SLC4A8: variants seen among roughly 807,000 people sequenced by gnomAD.
SLC4A8 encodes the protein electroneutral sodium bicarbonate exchanger 1.
In SLC4A8, 40 loss-of-function variants were observed where a neutral mutation model predicts 125.0. The ratio of observed to expected loss-of-function variants is 0.32; its 90% CI spans 0.25 to 0.42. SLC4A8 has a LOEUF of 0.42. Among genes scored for constraint, SLC4A8 ranks in the 10% least tolerant of loss-of-function variants. SLC4A8 has a pLI of 1.00. For synonymous variants in SLC4A8, 456 were observed against 476.0 expected, an observed-to-expected ratio of 0.96 and a Z score of 0.55; for missense variants, 863 against 1,355.1, an observed-to-expected ratio of 0.64 and a Z score of 5.70.
chr12:51,425,064 T>C (rs1948919033), intron 1 of SLC4A8, 29 bp downstream of exon 1: 2 of 1,543,750 alleles, frequency 1.3e-6, no homozygotes, highest in African/African-American at 1.4e-5. Flanking sequence ...CGCCTCCCGC[T>C]CCTCCCCGGG....
At chr12:51,427,640 G>A (rs578028583) in intron 1 of SLC4A8, among the ~76,000 whole-genome samples, 1 of 152,288 alleles carries the variant, frequency 6.6e-6, no homozygotes, top group East Asian at 1.9e-4. Context: ...GACTGGCAAT[G>A]ACCAATTAAA....
At position 51,494,930 on chromosome 12, in the gene SLC4A8, G is replaced by A; in HGVS notation, c.2770-15G>A. The stretch of plus-strand genomic sequence containing the variant: ...AATGCCCTCCTGAAAATAAATGCCA[G>A]TTCCTTCCTTTCAGTTCTTTGATCG... On this transcript the variant is annotated splice_polypyrimidine_tract_variant and intron_variant, in intron 20 of 24. Transcript: ENST00000453097. 1 of 1,610,826 alleles carries A rather than the reference G, an allele frequency of 6.2e-7. No individual in the cohort carries two copies. Among genetic ancestry groups the A allele is most frequent in the Non-Finnish European group, 8.5e-7 (1 of 1,177,446 alleles).
intron 16 of SLC4A8, 70 bp downstream of exon 16, chr12:51,475,276 T>C: frequency 6.8e-7 from 1 of 1,480,788 alleles, no homozygotes; most frequent in Non-Finnish European, 9.3e-7. Context: ...TCAGCCTTCA[T>C]GCTGCTTATG....
chr12:51,474,027 A>AAAACAAAAAC lies in SLC4A8; in HGVS notation c.1905-312_1905-311insCAAAAACAAA, dbSNP rs10635704. Among the ~76,000 whole-genome samples, 4 of 152,032 alleles carry AAAACAAAAAC rather than the reference A, an allele frequency of 2.6e-5. No homozygotes were observed. The East Asian group carries it at 5.8e-4, about 22-fold the overall frequency. ...AAGAGATAGAAATCGGGCAAAAACA[A>AAAACAAAAAC]AAAAACAAAACAAAAACAAAAACAA... On this transcript the variant is annotated intron_variant, in intron 14 of 24. Coordinates refer to ENST00000453097, the MANE Select transcript of SLC4A8 (RefSeq NM_001039960.3).
At chr12:51,416,550 C>T (rs1218776172) in intron 1 of SLC4A8, among the ~76,000 whole-genome samples, 1 of 151,714 alleles carries the variant, frequency 6.6e-6, no homozygotes. Flanking sequence ...GGCTGAGGTA[C>T]GAGAATCACT....
intron 1 of SLC4A8, among the ~76,000 whole-genome samples, chr12:51,409,933 G>C (rs1255175428): frequency 6.6e-6 from 1 of 152,230 alleles, no homozygotes; most frequent in Non-Finnish European, 1.5e-5. Context: ...GGAAATACGT[G>C]GAAATGTCGG....
At chr12:51,456,613 G>A (rs189300439) in intron 5 of SLC4A8, among the ~76,000 whole-genome samples, 178 of 152,288 alleles carry the variant, frequency 1.2e-3, no homozygotes, top group African/African-American at 3.8e-3. Context: ...TACAGATGAA[G>A]AACTGAGGTA....
rs772256145 is a variant in SLC4A8, at chr12:51,470,466, C to T, written c.1599C>T (p.Thr533=). 2 of 1,613,396 alleles carry T rather than the reference C, an allele frequency of 1.2e-6. No homozygotes were observed. Among genetic ancestry groups the T allele is most frequent in the Non-Finnish European group, 1.7e-6 (2 of 1,179,310 alleles). ...AYSLFAGQAL[T]ILGSTGPVLV... is the part of the protein sequence containing the mutation. The stretch of plus-strand genomic sequence containing the variant: ...CCTTGTTTGCGGGACAGGCTCTCAC[C>T]ATCCTGGGAAGTACTGGACCAGTGC... Residue 533 remains threonine, a synonymous_variant, in exon 13 of 25, where the codon ACC becomes ACT. Transcript: ENST00000453097.
intron 16 of SLC4A8, among the ~76,000 whole-genome samples, chr12:51,478,502 T>C (rs1950924104): frequency 6.6e-6 from 1 of 152,156 alleles, no homozygotes; most frequent in Admixed American, 6.5e-5. Flanking sequence ...ATCCTTTCCA[T>C]TTTGGTTTAT....
chr12:51,397,010 A>G (rs1948276943), intron 1 of SLC4A8, among the ~76,000 whole-genome samples: 1 of 143,708 alleles, frequency 7.0e-6, no homozygotes, highest in South Asian at 2.2e-4. Flanking sequence ...GCTCACTGCA[A>G]CCTCCACCTT....
intron 17 of SLC4A8, 144 bp from the exon 18 acceptor site, chr12:51,488,555 T>C: frequency 3.3e-6 from 2 of 604,318 alleles, no homozygotes; most frequent in Non-Finnish European, 5.6e-6. Context: ...TCCTAAGGAG[T>C]TGCTGTATTT....
At chr12:51,425,892 T>A (rs1411182377) in intron 1 of SLC4A8, among the ~76,000 whole-genome samples, 4 of 152,220 alleles carry the variant, frequency 2.6e-5, no homozygotes, top group Non-Finnish European at 4.4e-5. Context: ...GTGCTGTTTG[T>A]GAAAGGGCTT....
intron 14 of SLC4A8, among the ~76,000 whole-genome samples, chr12:51,472,584 A>G (rs569424131): frequency 6.6e-6 from 1 of 152,226 alleles, no homozygotes; most frequent in East Asian, 1.9e-4. Flanking sequence ...TCTTTGTTTA[A>G]CAAATATTTA....
In SLC4A8 at chr12:51,458,620, T is replaced by C; in HGVS notation, c.825T>C (p.Asn275=). ...TTNLEVKNGV[N]CEHSPVDLSK... ...ATCTTGAAGTAAAAAATGGAGTGAA[T>C]TGTGAACATAGTCCTGTGGATTTAA... Residue 275 remains asparagine, a synonymous_variant, in exon 7 of 25, where the codon AAT becomes AAC. Coordinates refer to ENST00000453097, the MANE Select transcript of SLC4A8 (RefSeq NM_001039960.3). The C allele has an allele frequency of 6.2e-7, 1 of 1,613,760 alleles. No homozygotes were observed. The highest frequency in any genetic ancestry group is 8.5e-7 in the Non-Finnish European group (1 of 1,179,682).
chr12:51,456,530 G>A (rs576094775), intron 5 of SLC4A8, among the ~76,000 whole-genome samples: 16 of 152,212 alleles, frequency 1.1e-4, no homozygotes, highest in Admixed American at 8.5e-4. Flanking sequence ...GTGCCTAAAA[G>A]GAAATCAGCA....
At chr12:51,496,901 G>T in intron 21 of SLC4A8, 86 bp from the exon 22 acceptor site, 1 of 1,354,292 alleles carries the variant, frequency 7.4e-7, no homozygotes, top group Non-Finnish European at 1.0e-6. Flanking sequence ...AAATGTCCTA[G>T]TCTGCTGTGA....
At chr12:51,479,569 C>T (rs1054008545) in intron 16 of SLC4A8, among the ~76,000 whole-genome samples, 1 of 151,690 alleles carries the variant, frequency 6.6e-6, no homozygotes, top group Non-Finnish European at 1.5e-5. Context: ...TGACTGTAAT[C>T]CCCACTACTG....
rs140929987 is a variant in SLC4A8, at chr12:51,446,132, C to T, written c.131-4744C>T. Among the ~76,000 whole-genome samples the T allele has an allele frequency of 1.3e-4, 20 of 152,342 alleles. No homozygotes were observed. The East Asian group carries it at 3.7e-3, about 28-fold the overall frequency. ...GATAATGTCAGGGTCTGGAATCCCA[C>T]ATCTTAGCAGATGACCTCCTCTGGC... On this transcript the variant is annotated intron_variant, in intron 2 of 24. Transcript: ENST00000453097.
chr12:51,423,344 A>T (rs1485446401), upstream of SLC4A8, among the ~76,000 whole-genome samples: 1 of 152,190 alleles, frequency 6.6e-6, no homozygotes, highest in Non-Finnish European at 1.5e-5. Flanking sequence ...TTCTTGGAAG[A>T]GGGTGGCTTT....
Sources: allele counts gnomAD v4.1 joint callset (sites outside exome capture counted in the v4.1 genomes callset), GRCh38; gene constraint gnomAD v4.1.1; transcripts MANE v1.5; gene names NCBI Gene and HGNC (gene_info 2026-07-23, HGNC 2026-07-21).